SMAD3: variants seen among roughly 807,000 people sequenced by gnomAD.
The protein encoded by SMAD3 is MAD homolog 3.
SMAD3 carries 12 observed loss-of-function variants against 51.8 expected under a neutral mutation model. That is an observed-to-expected ratio of 0.23 (90% CI 0.15 to 0.38). The LOEUF is 0.38. Ranked by LOEUF, SMAD3 falls within the 10% of genes least tolerant of loss-of-function variation. SMAD3 has a pLI of 1.00. For synonymous variants in SMAD3, 238 were observed against 227.7 expected, an observed-to-expected ratio of 1.05 and a Z score of -0.41; for missense variants, 294 against 565.6, an observed-to-expected ratio of 0.52 and a Z score of 4.87.
At chr15:67,178,356 G>A (rs1962963071) in intron 5 of SMAD3, among the ~76,000 whole-genome samples, 1 of 152,198 alleles carries the variant, frequency 6.6e-6, no homozygotes, top group Non-Finnish European at 1.5e-5. Flanking sequence ...TAAACCCAGA[G>A]AATGCTGGGC....
rs566956253 is a variant in SMAD3, at chr15:67,095,681, G to A, written c.206+29321G>A. 8.8e-4 allele frequency among the ~76,000 whole-genome samples: 134 copies of A among 152,024 alleles called. 1 individual carries two copies. Among genetic ancestry groups the A allele is most frequent in the African/African-American group, 3.1e-3 (129 of 41,460 alleles). On this transcript the variant is annotated intron_variant, in intron 1 of 8. Coordinates refer to ENST00000327367, the MANE Select transcript of SMAD3 (RefSeq NM_005902.4). ...CGAGTAGCTGGGATTACAGGCACCT[G>A]CCACCACACCCAGCTAATTTTTGTA... is the stretch of plus-strand genomic sequence containing the variant.
At chr15:67,165,434 A>G in intron 3 of SMAD3, 50 bp downstream of exon 3, 7 of 1,605,990 alleles carry the variant, frequency 4.4e-6, no homozygotes, top group Non-Finnish European at 6.0e-6. Flanking sequence ...GGCAGCGGTC[A>G]GCCCCGACAT....
At position 67,170,571 on chromosome 15, in the gene SMAD3, C is replaced by G. The variant is rs1307369777; in HGVS notation, c.625C>G (p.Pro209Ala). The G allele has an allele frequency of 6.2e-7, 1 of 1,613,952 alleles. No individual in the cohort carries two copies. The highest frequency in any genetic ancestry group is 8.5e-7 in the Non-Finnish European group (1 of 1,179,954). ...SMDAGSPNLS[P>A]NPMSPAHNNL... ...CCTCGCAGGTTCTCCAAACCTATCC[C>G]CGAATCCGATGTCCCCAGCACATAA... The change falls in exon 5 of 9, where the codon CCG becomes GCG. Residue 209 changes from proline to alanine, a missense_variant. Physicochemically the swap from Pro to Ala is conservative, Grantham distance 27. Around this residue, in one of 3 missense-constraint regions of SMAD3, gnomAD observed 29 missense variants for 26.7 expected, o/e 1.09. Coordinates refer to ENST00000327367, the MANE Select transcript of SMAD3 (RefSeq NM_005902.4).
intron 1 of SMAD3, among the ~76,000 whole-genome samples, chr15:67,152,620 T>C (rs979483439): frequency 6.6e-6 from 1 of 152,180 alleles, no homozygotes; most frequent in African/African-American, 2.4e-5. Flanking sequence ...GAGTGATCTC[T>C]TAAAAAAACA....
chr15:67,110,465 G>C lies in SMAD3; in HGVS notation c.206+44105G>C, dbSNP rs112275953. ...ATAAACAGAGTTGGGAGTGATGGGG[G>C]ATAGGATGCTGACAGCACCTTGGTA... is the stretch of plus-strand genomic sequence containing the variant. On this transcript the variant is annotated intron_variant, in intron 1 of 8. Transcript: ENST00000327367. 8.0e-3 allele frequency among the ~76,000 whole-genome samples: 1,212 copies of C among 152,324 alleles called. 17 individuals carry two copies. Among genetic ancestry groups the C allele is most frequent in the African/African-American group, 0.026 (1,097 of 41,566 alleles).
intron 1 of SMAD3, among the ~76,000 whole-genome samples, chr15:67,097,809 T>G (rs1375593374): frequency 6.6e-6 from 1 of 152,142 alleles, no homozygotes; most frequent in African/African-American, 2.4e-5. Context: ...TAGTATCCTC[T>G]AGGAATCCTG....
rs561210350 is a variant in SMAD3, at chr15:67,107,913, A to C, written c.206+41553A>C. Among the ~76,000 whole-genome samples, 4 of 152,038 alleles carry C rather than the reference A, an allele frequency of 2.6e-5. No homozygotes were observed. The South Asian group carries it at 8.3e-4, about 32-fold the overall frequency. ...AAAGTCATCCTCCCTCACCTAGGTGACTGGGCCTCCAGGTCATCTCCCCGA... is the reference window on the plus strand; with the variant it reads ...AAAGTCATCCTCCCTCACCTAGGTGCCTGGGCCTCCAGGTCATCTCCCCGA... On this transcript the variant is annotated intron_variant, in intron 1 of 8. Transcript: ENST00000327367.
At chr15:67,178,789 T>C (rs568243298) in intron 5 of SMAD3, among the ~76,000 whole-genome samples, 6 of 152,168 alleles carry the variant, frequency 3.9e-5, no homozygotes, top group Non-Finnish European at 8.8e-5. Flanking sequence ...GAGCCAGACG[T>C]GGCTGACGTG....
At chr15:67,183,295 C>T (rs1352059605) in intron 6 of SMAD3, among the ~76,000 whole-genome samples, 1 of 151,884 alleles carries the variant, frequency 6.6e-6, no homozygotes, top group Non-Finnish European at 1.5e-5. Context: ...CTGCCCGCCT[C>T]AGCCTCCCAA....
At chr15:67,123,404 C>G (rs1961313608) in intron 1 of SMAD3, among the ~76,000 whole-genome samples, 1 of 152,146 alleles carries the variant, frequency 6.6e-6, no homozygotes. Context: ...GAGGCTAAGG[C>G]AGGAGAATCG....
chr15:67,191,088 G>A lies in SMAD3; in HGVS notation c.*552G>A, dbSNP rs769408016. ...AGCAGACCTTGCCCCTTGTGAGCTG[G>A]ATAGACTTGGGATGGGGAGGGAGGG... On this transcript the variant is annotated 3_prime_UTR_variant, in exon 9 of 9. Transcript: ENST00000327367. 1 of 235,352 alleles carries A rather than the reference G, an allele frequency of 4.2e-6. No individual in the cohort carries two copies. The highest frequency in any genetic ancestry group is 5.4e-5 in the Admixed American group (1 of 18,424). The allele number at this position is 235,352 out of a possible 1,614,324, so 14.6% of individuals were successfully genotyped here.
At chr15:67,123,261 C>T (rs1442941147) in intron 1 of SMAD3, among the ~76,000 whole-genome samples, 3 of 150,652 alleles carry the variant, frequency 2.0e-5, no homozygotes, top group Admixed American at 1.3e-4. Context: ...TTTGGGAGGC[C>T]GAGGCGGGTG....
chr15:67,124,771 G>A (rs2140246538), intron 1 of SMAD3, among the ~76,000 whole-genome samples: 1 of 152,308 alleles, frequency 6.6e-6, no homozygotes, highest in South Asian at 2.1e-4. Context: ...GCCTGAATGA[G>A]GGGCATCTAG....
At chr15:67,121,827 T>G (rs1961270683) in intron 1 of SMAD3, among the ~76,000 whole-genome samples, 1 of 152,228 alleles carries the variant, frequency 6.6e-6, no homozygotes, top group Non-Finnish European at 1.5e-5. Flanking sequence ...TGCATGTTTT[T>G]CCTCCAGAAC....
chr15:67,149,576 G>T (rs1363059691), intron 1 of SMAD3, among the ~76,000 whole-genome samples: 1 of 152,094 alleles, frequency 6.6e-6, no homozygotes, highest in Non-Finnish European at 1.5e-5. Context: ...CTCCTTTCTT[G>T]CTTGTGTGGA....
intron 1 of SMAD3, among the ~76,000 whole-genome samples, chr15:67,158,320 A>C (rs752553596): frequency 1.3e-5 from 2 of 152,198 alleles, no homozygotes; most frequent in Non-Finnish European, 2.9e-5. Context: ...TGAGTGGGGC[A>C]GAGGGAGAAA....
intron 1 of SMAD3, among the ~76,000 whole-genome samples, chr15:67,135,292 G>GAGAAGAGCTCACTGGAGCTTATCT: frequency 6.6e-6 from 1 of 152,174 alleles, no homozygotes; most frequent in Non-Finnish European, 1.5e-5. Context: ...GTCCCAGCCT[G>GAGAAGAGCTCACTGGAGCTTATCT]TACCAAAAAT....
chr15:67,114,267 G>A (rs907502817), intron 1 of SMAD3, among the ~76,000 whole-genome samples: 4 of 152,160 alleles, frequency 2.6e-5, no homozygotes, highest in Non-Finnish European at 5.9e-5. Flanking sequence ...CTGCCTGCCC[G>A]ATGGAAATAT....
chr15:67,116,010 A>T (rs552538506), intron 1 of SMAD3, among the ~76,000 whole-genome samples: 19 of 152,066 alleles, frequency 1.2e-4, no homozygotes, highest in Admixed American at 3.3e-4. Flanking sequence ...GGAAGTGGGT[A>T]CAGAAGTCCA....
Sources: gnomAD v4.1 joint callset for allele counts (sites outside exome capture counted in the v4.1 genomes callset) on GRCh38, gnomAD v4.1.1 for gene constraint, gnomAD v4.1.1 regional missense constraint, MANE v1.5 for transcripts, NCBI Gene and HGNC (gene_info 2026-07-23, HGNC 2026-07-21) for gene names.